G2E3: variants seen among roughly 807,000 people sequenced by gnomAD.
G2E3 encodes G2/M phase-specific E3 ubiquitin-protein ligase.
Under a neutral mutation model 92.8 loss-of-function variants are expected in G2E3, and 35 were observed. The ratio of observed to expected loss-of-function variants is 0.38; its 90% CI spans 0.29 to 0.50. The LOEUF (loss-of-function observed/expected upper bound fraction) is 0.50. G2E3 is among the 20% of genes least tolerant of loss of function. The probability of loss-of-function intolerance (pLI) is 0.94; values close to 1 mark genes in which losing one functional copy is unlikely to be tolerated. For synonymous variants in G2E3, 242 were observed against 272.4 expected (o/e 0.89, Z 1.10); for missense variants, 554 against 823.8 (o/e 0.67, Z 4.01).
chr14:30,597,551 A>T (rs762601169), intron 7 of G2E3, 25 bp downstream of exon 7: 11 of 1,079,372 alleles, frequency 1.0e-5, no homozygotes, highest in African/African-American at 3.1e-5. Context: ...GCCTTATGAT[A>T]AAAAAAAGAT....
At chr14:30,572,036 TC>T (rs1365289800) in intron 1 of G2E3, among the ~76,000 whole-genome samples, 4 of 152,056 alleles carry the variant, frequency 2.6e-5, no homozygotes, top group Non-Finnish European at 5.9e-5. Context: ...GTCTATCTCT[TC>T]ATTTATTTAG....
intron 12 of G2E3, chr14:30,611,815 C>G (rs1358613452): frequency 6.3e-6 from 1 of 159,134 alleles, no homozygotes; most frequent in Admixed American, 6.6e-5. Flanking sequence ...CCACCCACAC[C>G]AGGCCTTTTT....
At chr14:30,611,023 A>G (rs190996215) in intron 12 of G2E3, among the ~76,000 whole-genome samples, 70 of 152,378 alleles carry the variant, frequency 4.6e-4, no homozygotes, top group African/African-American at 1.6e-3. Flanking sequence ...TGTGATTTAC[A>G]AAACCGTCTA....
At chr14:30,566,733 G>A (rs1487137775) in intron 1 of G2E3, among the ~76,000 whole-genome samples, 1 of 152,182 alleles carries the variant, frequency 6.6e-6, no homozygotes, top group Non-Finnish European at 1.5e-5. Context: ...CTGGTTCAGT[G>A]TTGACTACAA....
intron 2 of G2E3, 61 bp from the exon 3 acceptor site, chr14:30,586,657 C>A: frequency 1.7e-6 from 1 of 576,638 alleles, no homozygotes; most frequent in Non-Finnish European, 3.0e-6. Context: ...GCACCAATTC[C>A]ATAGGGTTTT....
At chr14:30,593,755 T>C (rs1881134856) in intron 6 of G2E3, 116 bp downstream of exon 6, 1 of 718,780 alleles carries the variant, frequency 1.4e-6, no homozygotes, top group East Asian at 2.8e-5. Context: ...TTGTTACTTT[T>C]AAAACAGCTT....
chr14:30,592,199 C>A, intron 4 of G2E3, 124 bp from the exon 5 acceptor site: 1 of 820,228 alleles, frequency 1.2e-6, no homozygotes, highest in Non-Finnish European at 2.0e-6. Flanking sequence ...TATACCCTTA[C>A]CACAGCTGTT....
Position 30,617,761 on chromosome 14 carries a change from A to G in G2E3, c.*1227A>G, listed in dbSNP as rs558427138. ...ACTTTAATAATGCTACTAAAAGACA[A>G]TACCTAAAAGTAACTGTACTAACAA... is the stretch of plus-strand genomic sequence containing the variant. On this transcript the variant is annotated 3_prime_UTR_variant, in exon 15 of 15. Coordinates refer to ENST00000206595, the MANE Select transcript of G2E3 (RefSeq NM_017769.5). 6.6e-6 allele frequency: 1 copy of G among 152,232 alleles called. No homozygotes were observed. Among genetic ancestry groups the G allele is most frequent in the East Asian group, 1.9e-4 (1 of 5,190 alleles). The allele number at this position is 152,232 out of a possible 1,614,324, so 9.4% of individuals were successfully genotyped here.
chr14:30,561,674 G>A (rs1403100346), intron 1 of G2E3, among the ~76,000 whole-genome samples: 1 of 152,114 alleles, frequency 6.6e-6, no homozygotes, highest in African/African-American at 2.4e-5. Context: ...TGTGCTTTTT[G>A]CTTATAAATA....
Position 30,567,515 on chromosome 14 carries a change from T to C in G2E3, c.-5+8243T>C, listed in dbSNP as rs543423823. 7.2e-5 allele frequency among the ~76,000 whole-genome samples: 11 copies of C among 152,170 alleles called. No homozygotes were observed. In the East Asian group the frequency reaches 2.1e-3, roughly 29 times the overall value. On this transcript the variant is annotated intron_variant, in intron 1 of 14. Coordinates refer to ENST00000206595, the MANE Select transcript of G2E3 (RefSeq NM_017769.5). Reference sequence around the variant, plus strand: ...AGCAGTGTCCCACTTTCATTTCTTCTGATTTAGTAATTTGAGTCTTCTCTT... The same window carrying C: ...AGCAGTGTCCCACTTTCATTTCTTCCGATTTAGTAATTTGAGTCTTCTCTT...
chr14:30,596,110 A>G (rs890517124), intron 6 of G2E3, among the ~76,000 whole-genome samples: 48 of 14,858 alleles, frequency 3.2e-3, no homozygotes, highest in South Asian at 0.014. Context: ...CCTCCCTTAT[A>G]TGGGTGGGTG....
chr14:30,615,500 G>A lies in G2E3; in HGVS notation c.1825G>A (p.Ala609Thr). ...FTVHTLPDVK[A>T]LGFWNSYLQA... ...AGTACACACATTACCTGATGTGAAA[G>A]CTTTGGGGTTTTGGAACAGTTACTT... Residue 609 changes from alanine (A) to threonine (T), a missense_variant, in exon 14 of 15, where the codon GCT becomes ACT. Ala to Thr is a moderately conservative substitution (Grantham distance 58). Coordinates refer to ENST00000206595, the MANE Select transcript of G2E3 (RefSeq NM_017769.5). 1.2e-6 allele frequency: 2 copies of A among 1,603,514 alleles called. No homozygotes were observed. Among genetic ancestry groups the A allele is most frequent in the Non-Finnish European group, 1.7e-6 (2 of 1,176,354 alleles).
intron 1 of G2E3, among the ~76,000 whole-genome samples, chr14:30,563,919 A>AT (rs1237675238): frequency 6.6e-6 from 1 of 152,094 alleles, no homozygotes; most frequent in East Asian, 1.9e-4. Context: ...GGGTTTCGCC[A>AT]TGTTGGTCAG....
At chr14:30,608,936 C>G (rs1383476640) in intron 12 of G2E3, among the ~76,000 whole-genome samples, 1 of 152,156 alleles carries the variant, frequency 6.6e-6, no homozygotes, top group Non-Finnish European at 1.5e-5. Context: ...GAGCTGAGCT[C>G]ACACCACTGC....
intron 2 of G2E3, among the ~76,000 whole-genome samples, chr14:30,583,919 T>A (rs973174199): frequency 6.6e-5 from 10 of 152,212 alleles, no homozygotes; most frequent in African/African-American, 2.4e-4. Context: ...TGGTGGCATT[T>A]AGTACATTTA....
chr14:30,570,989 T>C (rs950077894), intron 1 of G2E3, among the ~76,000 whole-genome samples: 1 of 152,168 alleles, frequency 6.6e-6, no homozygotes, highest in Non-Finnish European at 1.5e-5. Context: ...GTACAGTTTA[T>C]CTTTTTTTGT....
Position 30,594,137 on chromosome 14 carries a change from G to A in G2E3, c.528+498G>A, listed in dbSNP as rs111683980. Among the ~76,000 whole-genome samples the A allele has an allele frequency of 3.4e-3, 521 of 152,194 alleles. 12 individuals are homozygous for A. Among genetic ancestry groups the A allele is most frequent in the Admixed American group, 0.026 (396 of 15,294 alleles). ...ATTGGTTCTTTGAGAGTCATCTTAC[G>A]TATCAAACCTTATTACTACTTTTCA... On this transcript the variant is annotated intron_variant, in intron 6 of 14. Coordinates refer to ENST00000206595, the MANE Select transcript of G2E3 (RefSeq NM_017769.5).
At chr14:30,592,970 T>G (rs1881094128) in intron 5 of G2E3, among the ~76,000 whole-genome samples, 1 of 152,174 alleles carries the variant, frequency 6.6e-6, no homozygotes, top group African/African-American at 2.4e-5. Context: ...TTTCTTTTAG[T>G]AGTTGTGTTT....
chr14:30,595,150 A>G (rs936698177), intron 6 of G2E3, among the ~76,000 whole-genome samples: 2 of 152,108 alleles, frequency 1.3e-5, no homozygotes, highest in Non-Finnish European at 2.9e-5. Flanking sequence ...AAAAAAATGC[A>G]GGATGAAGCC....
Sources: allele counts gnomAD v4.1 joint callset (sites outside exome capture counted in the v4.1 genomes callset), GRCh38; gene constraint gnomAD v4.1.1; transcripts MANE v1.5; gene names NCBI Gene and HGNC (gene_info 2026-07-23, HGNC 2026-07-21).